ZNF362: variants seen among roughly 807,000 people sequenced by gnomAD.
ZNF362 encodes the protein rotund homolog.
ZNF362 carries 11 observed loss-of-function variants against 42.9 expected under a neutral mutation model. The ratio of observed to expected loss-of-function variants is 0.26; its 90% CI spans 0.16 to 0.42. The LOEUF is 0.42. Ranked by LOEUF, ZNF362 falls within the 20% of genes least tolerant of loss-of-function variation. The probability of loss-of-function intolerance (pLI) is 1.00; values close to 1 mark genes in which losing one functional copy is unlikely to be tolerated. For synonymous variants in ZNF362, 255 were observed against 257.3 expected (o/e 0.99, Z 0.09); for missense variants, 362 against 576.2 (o/e 0.63, Z 3.81).
the ZNF362 span, among the ~76,000 whole-genome samples, chr1:33,186,592 G>A: frequency 1.3e-5 from 2 of 148,732 alleles, no homozygotes; most frequent in African/African-American, 2.5e-5. Flanking sequence ...GATCACCTGA[G>A]GTCAGGAGTT....
At chr1:33,218,851 T>G in the ZNF362 span, among the ~76,000 whole-genome samples, 1 of 151,916 alleles carries the variant, frequency 6.6e-6, no homozygotes, top group Non-Finnish European at 1.5e-5. Flanking sequence ...GGAACAGTTC[T>G]GCCTCTGGTC....
At chr1:33,151,321 C>T in the ZNF362 span, among the ~76,000 whole-genome samples, 126 of 152,164 alleles carry the variant, frequency 8.3e-4, 2 homozygotes, top group African/African-American at 2.7e-3. Flanking sequence ...CTCTCTTAGG[C>T]GGGGGTGTGG....
the ZNF362 span, among the ~76,000 whole-genome samples, chr1:33,218,797 G>C: frequency 6.6e-6 from 1 of 151,996 alleles, no homozygotes; most frequent in Non-Finnish European, 1.5e-5. Context: ...GGTCCGTGGA[G>C]TTGGGCAATG....
chr1:33,187,598 G>A, the ZNF362 span, among the ~76,000 whole-genome samples: 4 of 152,110 alleles, frequency 2.6e-5, no homozygotes, highest in Non-Finnish European at 5.9e-5. Context: ...CCCTCACCTG[G>A]TCCAGCAGGG....
the ZNF362 span, among the ~76,000 whole-genome samples, chr1:33,230,811 G>C: frequency 6.6e-6 from 1 of 152,214 alleles, no homozygotes; most frequent in African/African-American, 2.4e-5. Flanking sequence ...GATGGTGCTG[G>C]TGGTGCTAGA....
At chr1:33,174,787 C>A in the ZNF362 span, among the ~76,000 whole-genome samples, 1 of 152,012 alleles carries the variant, frequency 6.6e-6, no homozygotes, top group African/African-American at 2.4e-5. Context: ...AGTTTATGGG[C>A]CTATCTTTCG....
At chr1:33,189,671 ATGTATATATATACG>A in the ZNF362 span, among the ~76,000 whole-genome samples, 2 of 105,042 alleles carry the variant, frequency 1.9e-5, no homozygotes, top group African/African-American at 7.3e-5. Flanking sequence ...ATATATATAT[ATGTATATATATACG>A]TATATATATA....
At chr1:33,190,257 A>G in the ZNF362 span, among the ~76,000 whole-genome samples, 2 of 152,224 alleles carry the variant, frequency 1.3e-5, no homozygotes, top group Admixed American at 6.5e-5. Context: ...TAGGAACTTC[A>G]GGGTCTATTA....
chr1:33,276,356 C>T lies in ZNF362; in HGVS notation c.111C>T (p.Asn37=). Residue 37 remains asparagine, a synonymous_variant, in exon 4 of 9, where the codon AAC becomes AAT. Coordinates refer to ENST00000539719, the MANE Select transcript of ZNF362 (RefSeq NM_152493.3). ...TCCTCTTCTTCCCGCAGCTGGACAA[C>T]CTGGTTCTGATTAACAAGATCAAGG... The part of the protein sequence containing the change: ...PPPTMPSQLD[N]LVLINKIKEQ... The T allele has an allele frequency of 1.3e-6, 2 of 1,558,042 alleles. No homozygotes were observed. The highest frequency in any genetic ancestry group is 1.7e-6 in the Non-Finnish European group (2 of 1,150,482).
At chr1:33,189,706 TAC>T in the ZNF362 span, among the ~76,000 whole-genome samples, 10 of 5,468 alleles carry the variant, frequency 1.8e-3, no homozygotes, top group Admixed American at 0.017. Context: ...TACACATATA[TAC>T]GTATATATAT....
the ZNF362 span, among the ~76,000 whole-genome samples, chr1:33,129,410 G>T: frequency 6.6e-6 from 1 of 152,074 alleles, no homozygotes; most frequent in African/African-American, 2.4e-5. This position sits in a 1 kb window ranked among gnomAD's most constrained non-coding sequence, Gnocchi z 4.1. Context: ...TGATAAAGGC[G>T]GTACACAGAC....
chr1:33,245,998 CAG>C, the ZNF362 span, among the ~76,000 whole-genome samples: 2 of 152,070 alleles, frequency 1.3e-5, no homozygotes, highest in African/African-American at 4.8e-5. Flanking sequence ...AGGCAAAGAT[CAG>C]AGTTATGCAC....
intron 1 of ZNF362, among the ~76,000 whole-genome samples, chr1:33,265,003 G>A (rs1051855597): frequency 2.0e-5 from 3 of 151,910 alleles, no homozygotes; most frequent in Non-Finnish European, 4.4e-5. Context: ...TCATGGGGTC[G>A]TTAGGAGCCA....
intron 1 of ZNF362, among the ~76,000 whole-genome samples, chr1:33,257,426 CTTTT>C (rs921311790): frequency 4.4e-5 from 6 of 136,924 alleles, no homozygotes; most frequent in Non-Finnish European, 6.4e-5. Flanking sequence ...TTCTTTCTTT[CTTTT>C]TTTTTTTTTT....
rs1349485603 is a variant in ZNF362, at chr1:33,270,527, C to T, written c.-48C>T. 3 of 1,228,024 alleles carry T rather than the reference C, an allele frequency of 2.4e-6. No homozygotes were observed. Among genetic ancestry groups the T allele is most frequent in the Non-Finnish European group, 3.6e-6 (3 of 834,450 alleles). The allele number at this position is 1,228,024 out of a possible 1,614,324, so 76.1% of individuals were successfully genotyped here. A position where few individuals can be genotyped will look rare whatever the true frequency, so the allele number is the denominator to read the frequency against. On this transcript the variant is annotated 5_prime_UTR_variant, in exon 2 of 9. Transcript: ENST00000539719. ...CAGAGGAAGTGACTGGCTGGGGGTT[C>T]AGGGAAAGCTCCGTAGAAGAGGGAA...
chr1:33,285,587 A>G (rs1408040829), intron 6 of ZNF362, among the ~76,000 whole-genome samples: 4 of 152,214 alleles, frequency 2.6e-5, no homozygotes, highest in Non-Finnish European at 1.5e-5. Flanking sequence ...GCATTAGATT[A>G]GGTTTTTTTG....
At chr1:33,285,817 C>A (rs755393637) in intron 6 of ZNF362, among the ~76,000 whole-genome samples, 1 of 152,204 alleles carries the variant, frequency 6.6e-6, no homozygotes, top group African/African-American at 2.4e-5. Flanking sequence ...AATCACAGCA[C>A]TTTGGGAGGC....
chr1:33,256,247 G>GCCCGCCCCCGCCC (rs1490997855), upstream of ZNF362, among the ~76,000 whole-genome samples: 1 of 142,098 alleles, frequency 7.0e-6, no homozygotes. Context: ...CCAGCGCGCG[G>GCCCGCCCCCGCCC]CCCGCCCCCG....
At chr1:33,149,245 C>T in the ZNF362 span, among the ~76,000 whole-genome samples, 2 of 152,320 alleles carry the variant, frequency 1.3e-5, no homozygotes, top group African/African-American at 4.8e-5. Flanking sequence ...CTCCACCTCC[C>T]AGGTTCAAGT....
Sources: gnomAD v4.1 joint callset for allele counts (sites outside exome capture counted in the v4.1 genomes callset) on GRCh38, gnomAD v4.1.1 for gene constraint, Gnocchi (gnomAD v3.1) non-coding constraint, MANE v1.5 for transcripts, NCBI Gene and HGNC (gene_info 2026-07-23, HGNC 2026-07-21) for gene names.